PRXL2A: variants seen among roughly 807,000 people sequenced by gnomAD.
The protein encoded by PRXL2A is peroxiredoxin-like 2A.
PRXL2A carries 26 observed loss-of-function variants against 25.6 expected under a neutral mutation model. The observed-to-expected ratio is 1.02, with a 90% CI of 0.74 to 1.41. PRXL2A has a LOEUF of 1.41. Among genes scored for constraint, PRXL2A ranks in the 40% most tolerant of loss-of-function variants. The pLI is 0.00. For synonymous variants in PRXL2A, 98 were observed against 102.9 expected (o/e 0.95, Z 0.29); for missense variants, 246 against 273.9 (o/e 0.90, Z 0.72).
At chr10:80,417,283 ATGT>A (rs1270577679) in intron 1 of PRXL2A, among the ~76,000 whole-genome samples, 10 of 152,234 alleles carry the variant, frequency 6.6e-5, no homozygotes, top group African/African-American at 1.7e-4. Flanking sequence ...TCAAGGCTTT[ATGT>A]TGTTATCTCT....
rs1260886775 is a variant in PRXL2A at position 80,427,595 on chromosome 10, G to C, written c.576+99G>C. ...AGTGGGGGTTGACTTTCCCTGTTTT[G>C]GGTCTCCTAGCCTTCCTTCTAGCAA... On this transcript the variant is annotated intron_variant, in intron 5 of 5. Coordinates refer to ENST00000606162, the MANE Select transcript of PRXL2A (RefSeq NM_032333.5). The C allele has an allele frequency of 4.7e-6, 6 of 1,278,224 alleles. No homozygotes were observed. In the Admixed American group the frequency reaches 6.3e-5, roughly 13 times the overall value. 79.2% of individuals were successfully genotyped at this position (1,278,224 alleles called of 1,614,324 possible). A position where few individuals can be genotyped will look rare whatever the true frequency, so the allele number is the denominator to read the frequency against.
Position 80,435,942 on chromosome 10 carries a change from A to T in PRXL2A, c.*3843A>T, listed in dbSNP as rs1845390956. 6.6e-6 allele frequency: 1 copy of T among 152,202 alleles called. No homozygotes were observed. Among genetic ancestry groups the T allele is most frequent in the Admixed American group, 6.5e-5 (1 of 15,276 alleles). 9.4% of individuals were successfully genotyped at this position (152,202 alleles called of 1,614,324 possible). A position where few individuals can be genotyped will look rare whatever the true frequency, so the allele number is the denominator to read the frequency against. Reference sequence around the variant, plus strand: ...TTTTTATTTATTTGATAAACTGAGAATCCACATGCAAAGAAATGCAAGAAA... The same window carrying T: ...TTTTTATTTATTTGATAAACTGAGATTCCACATGCAAAGAAATGCAAGAAA... On this transcript the variant is annotated 3_prime_UTR_variant, in exon 6 of 6. Coordinates refer to ENST00000606162, the MANE Select transcript of PRXL2A (RefSeq NM_032333.5).
intron 1 of PRXL2A, among the ~76,000 whole-genome samples, chr10:80,415,251 G>C (rs1425154531): frequency 6.6e-6 from 1 of 152,236 alleles, no homozygotes; most frequent in Non-Finnish European, 1.5e-5. Context: ...CACTGCCCCA[G>C]AGGGCTGAAT....
chr10:80,428,936 G>A (rs1041861459), intron 5 of PRXL2A, among the ~76,000 whole-genome samples: 3 of 151,958 alleles, frequency 2.0e-5, no homozygotes, highest in Non-Finnish European at 4.4e-5. Context: ...GAATCTCACT[G>A]TGTTGCCCAG....
chr10:80,412,453 T>C (rs747722041), intron 1 of PRXL2A, among the ~76,000 whole-genome samples: 7 of 152,246 alleles, frequency 4.6e-5, no homozygotes, highest in Non-Finnish European at 8.8e-5. Context: ...TAACATTTAA[T>C]GCCTGATAAT....
chr10:80,422,986 C>T (rs1844922913), intron 3 of PRXL2A, among the ~76,000 whole-genome samples: 1 of 152,194 alleles, frequency 6.6e-6, no homozygotes, highest in Non-Finnish European at 1.5e-5. Flanking sequence ...CTCTTAGAGT[C>T]CATCGTGGAC....
At chr10:80,411,968 T>G (rs1844490518) in intron 1 of PRXL2A, among the ~76,000 whole-genome samples, 1 of 152,168 alleles carries the variant, frequency 6.6e-6, no homozygotes, top group Non-Finnish European at 1.5e-5. Context: ...ATACTTTGTT[T>G]CATTAAGACT....
intron 3 of PRXL2A, among the ~76,000 whole-genome samples, chr10:80,422,927 C>A (rs1420849883): frequency 6.6e-6 from 1 of 152,176 alleles, no homozygotes; most frequent in South Asian, 2.1e-4. Context: ...GGAAACACTT[C>A]AAGGTTACCT....
chr10:80,423,317 G>T (rs1844929628), intron 3 of PRXL2A, among the ~76,000 whole-genome samples: 1 of 152,250 alleles, frequency 6.6e-6, no homozygotes, highest in African/African-American at 2.4e-5. Flanking sequence ...GAGGACCAGA[G>T]TGGTTAGTGG....
Position 80,430,188 on chromosome 10 carries a change from C to T in PRXL2A, c.577-1798C>T, listed in dbSNP as rs532448757. On this transcript the variant is annotated intron_variant, in intron 5 of 5. Transcript: ENST00000606162. ...CGATCTCAGCTCACTGCAACCTCCA[C>T]CCCCCCGGGTTCAAGCGATTCTCCT... Among the ~76,000 whole-genome samples the T allele has an allele frequency of 2.7e-5, 4 of 150,422 alleles. No homozygotes were observed. The South Asian group carries it at 6.3e-4, about 24-fold the overall frequency.
chr10:80,431,996 T>C lies in PRXL2A; in HGVS notation c.587T>C (p.Leu196Pro). Residue 196 changes from leucine (L) to proline (P), a missense_variant, in exon 6 of 6, where the codon CTT becomes CCT. By Grantham distance (98) the Leu-to-Pro change is moderately conservative. Coordinates refer to ENST00000606162, the MANE Select transcript of PRXL2A (RefSeq NM_032333.5). ...CTTGTTTCCTTTTAGGGCATTCTTC[T>C]TGAGCACCGAGAAAAAGAATTTGGA... ...VVGSGKQGIL[L>P]EHREKEFGDK... The C allele has an allele frequency of 6.2e-7, 1 of 1,610,588 alleles. No individual in the cohort carries two copies. The highest frequency in any genetic ancestry group is 8.5e-7 in the Non-Finnish European group (1 of 1,178,296).
At chr10:80,413,537 G>A (rs1012712221) in intron 1 of PRXL2A, among the ~76,000 whole-genome samples, 49 of 152,320 alleles carry the variant, frequency 3.2e-4, no homozygotes, top group Non-Finnish European at 1.6e-4. Context: ...GCTGTGTTAC[G>A]AGCTTTGCTT....
At chr10:80,413,807 C>T in intron 1 of PRXL2A, 6 of 1,091,552 alleles carry the variant, frequency 5.5e-6, no homozygotes, top group Non-Finnish European at 6.8e-6. Flanking sequence ...TGCCGCCTGC[C>T]CAGGCCCGTC....
At chr10:80,422,876 G>T (rs1844919823) in intron 3 of PRXL2A, among the ~76,000 whole-genome samples, 1 of 152,148 alleles carries the variant, frequency 6.6e-6, no homozygotes, top group Non-Finnish European at 1.5e-5. Flanking sequence ...TCTGATTCGG[G>T]TGTGGTCAGT....
chr10:80,409,414 G>C (rs892171213), intron 1 of PRXL2A, among the ~76,000 whole-genome samples: 17 of 152,164 alleles, frequency 1.1e-4, no homozygotes, highest in Non-Finnish European at 1.8e-4. Context: ...TGCCGGACCG[G>C]GGTTCCCAGC....
chr10:80,419,551 G>A (rs933574629), intron 1 of PRXL2A, among the ~76,000 whole-genome samples: 1 of 135,406 alleles, frequency 7.4e-6, no homozygotes, highest in Admixed American at 7.5e-5. Context: ...CAGGTGATCC[G>A]CCCACCTCGG....
Position 80,420,144 on chromosome 10 carries a change from A to G in PRXL2A, c.-2-322A>G, listed in dbSNP as rs190614980. Reference sequence around the variant, plus strand: ...AGGGGACATAGCTCGGCACAGCTCCACAGAGCTAGGGGCTGCAACTTGGGG... The same window carrying G: ...AGGGGACATAGCTCGGCACAGCTCCGCAGAGCTAGGGGCTGCAACTTGGGG... On this transcript the variant is annotated intron_variant, in intron 1 of 5. Coordinates refer to ENST00000606162, the MANE Select transcript of PRXL2A (RefSeq NM_032333.5). 4.0e-3 allele frequency: 4,048 copies of G among 1,013,398 alleles called. 9 individuals are homozygous for G. The highest frequency in any genetic ancestry group is 4.6e-3 in the Non-Finnish European group (3,866 of 848,362). The allele number at this position is 1,013,398 out of a possible 1,614,324, so 62.8% of individuals were successfully genotyped here. A position where few individuals can be genotyped will look rare whatever the true frequency, so the allele number is the denominator to read the frequency against.
intron 3 of PRXL2A, among the ~76,000 whole-genome samples, chr10:80,424,209 C>T (rs1844957901): frequency 6.6e-6 from 1 of 151,964 alleles, no homozygotes; most frequent in Admixed American, 6.6e-5. Flanking sequence ...GTATGTGACT[C>T]AGTTTCCACG....
chr10:80,430,016 A>G (rs17105302), intron 5 of PRXL2A, among the ~76,000 whole-genome samples: 13,148 of 151,686 alleles, frequency 0.087, 602 homozygotes, highest in African/African-American at 0.12. Flanking sequence ...TGGCTAGCTG[A>G]ACTTCAGGAC....
Sources: allele counts gnomAD v4.1 joint callset (sites outside exome capture counted in the v4.1 genomes callset), GRCh38; gene constraint gnomAD v4.1.1; transcripts MANE v1.5; gene names NCBI Gene and HGNC (gene_info 2026-07-23, HGNC 2026-07-21).